PDE4D: variants seen among roughly 807,000 people sequenced by gnomAD.
PDE4D encodes 3',5'-cyclic-AMP phosphodiesterase 4D.
PDE4D carries 24 observed loss-of-function variants against 87.4 expected under a neutral mutation model. The observed-to-expected ratio is 0.27, with a 90% CI of 0.20 to 0.39. The LOEUF (loss-of-function observed/expected upper bound fraction) is 0.39. Ranked by LOEUF, PDE4D falls within the 10% of genes least tolerant of loss-of-function variation. The pLI is 1.00. For missense variants in PDE4D, 714 were observed against 1,041.0 expected (o/e 0.69, Z 4.32); for synonymous variants, 384 against 383.2 (o/e 1.00, Z -0.02).
At chr5:59,064,406 T>TCC (rs1390652466) in intron 5 of PDE4D, among the ~76,000 whole-genome samples, 1 of 152,100 alleles carries the variant, frequency 6.6e-6, no homozygotes, top group African/African-American at 2.4e-5. Flanking sequence ...CCAACCAAGC[T>TCC]CTCACTGGGT....
intron 1 of PDE4D, among the ~76,000 whole-genome samples, chr5:59,804,200 A>G (rs997824321): frequency 6.6e-6 from 1 of 152,126 alleles, no homozygotes; most frequent in African/African-American, 2.4e-5. Flanking sequence ...CCCCATCCCC[A>G]AAGTCCATTA....
intron 5 of PDE4D, among the ~76,000 whole-genome samples, chr5:59,074,567 G>A (rs551922344): frequency 7.2e-5 from 11 of 152,236 alleles, no homozygotes; most frequent in Admixed American, 7.2e-4. Flanking sequence ...AGACCAGCCT[G>A]GCCAACATGG....
At chr5:59,464,071 C>T (rs370332041) in intron 1 of PDE4D, among the ~76,000 whole-genome samples, 1 of 152,160 alleles carries the variant, frequency 6.6e-6, no homozygotes, top group Non-Finnish European at 1.5e-5. Flanking sequence ...CCCAGGGACA[C>T]AAAAACTGCG....
chr5:60,321,246 C>T (rs866296204), intron 1 of PDE4D, among the ~76,000 whole-genome samples: 2 of 152,116 alleles, frequency 1.3e-5, no homozygotes, highest in Non-Finnish European at 2.9e-5. Flanking sequence ...TAATACCACC[C>T]ACGTAAAATC....
chr5:59,399,901 C>G (rs1469220596), intron 1 of PDE4D, among the ~76,000 whole-genome samples: 2 of 112,984 alleles, frequency 1.8e-5, no homozygotes, highest in African/African-American at 7.5e-5. Flanking sequence ...AAACAAATAA[C>G]CCCATCAAAA....
chr5:58,999,194 T>C (rs1430001562), intron 6 of PDE4D, among the ~76,000 whole-genome samples: 2 of 152,200 alleles, frequency 1.3e-5, no homozygotes, highest in African/African-American at 4.8e-5. Flanking sequence ...CCCAATAATT[T>C]ATTTGCAATG....
chr5:59,422,112 T>A (rs1794574700), intron 1 of PDE4D, among the ~76,000 whole-genome samples: 1 of 152,210 alleles, frequency 6.6e-6, no homozygotes, highest in African/African-American at 2.4e-5. Flanking sequence ...TCTGAGCGTT[T>A]GGAGAATATT....
intron 1 of PDE4D, among the ~76,000 whole-genome samples, chr5:60,375,188 C>T (rs145039195): frequency 2.2e-4 from 34 of 152,260 alleles, no homozygotes; most frequent in Non-Finnish European, 4.0e-4. Flanking sequence ...TTTTATAACA[C>T]ATCACAGCTT....
At chr5:59,618,033 G>T (rs1272643843) in intron 1 of PDE4D, among the ~76,000 whole-genome samples, 1 of 151,304 alleles carries the variant, frequency 6.6e-6, no homozygotes, top group Non-Finnish European at 1.5e-5. Context: ...TAACAGTTCT[G>T]AATACTCCTC....
At chr5:59,444,210 G>A (rs555512471) in intron 1 of PDE4D, among the ~76,000 whole-genome samples, 126 of 152,238 alleles carry the variant, frequency 8.3e-4, no homozygotes, top group African/African-American at 2.9e-3. Context: ...GCTTCTCTGG[G>A]GTTTTTCTAA....
chr5:59,117,141 C>A (rs899375632), intron 5 of PDE4D, among the ~76,000 whole-genome samples: 2 of 152,200 alleles, frequency 1.3e-5, no homozygotes, highest in African/African-American at 4.8e-5. Context: ...TCCCAGGATA[C>A]AATTTCTCAC....
chr5:59,504,980 G>A (rs1247740694), intron 1 of PDE4D, among the ~76,000 whole-genome samples: 1 of 151,258 alleles, frequency 6.6e-6, no homozygotes, highest in African/African-American at 2.4e-5. Flanking sequence ...GTGAAAGTGA[G>A]AGAGAGAGAA....
chr5:60,508,078 C>G (rs1750402986), intron 1 of PDE4D, among the ~76,000 whole-genome samples: 1 of 152,224 alleles, frequency 6.6e-6, no homozygotes, highest in Non-Finnish European at 1.5e-5. Context: ...TTGTCACATA[C>G]TGGGCCTGTA....
chr5:59,568,521 T>C (rs775114749), intron 1 of PDE4D, among the ~76,000 whole-genome samples: 1 of 152,056 alleles, frequency 6.6e-6, no homozygotes, highest in Non-Finnish European at 1.5e-5. Context: ...GGAAAAATAA[T>C]ACATTTATAG....
At chr5:59,593,256 C>T (rs544181779) in intron 1 of PDE4D, among the ~76,000 whole-genome samples, 1 of 151,354 alleles carries the variant, frequency 6.6e-6, no homozygotes, top group East Asian at 1.9e-4. Flanking sequence ...TAAAATAAAG[C>T]CCAACTTCAA....
At position 58,975,877 on chromosome 5, in the gene PDE4D, CCTT is replaced by C. The variant is rs770172192; in HGVS notation, c.1831-41_1831-39del. 30 of 1,251,874 alleles carry C rather than the reference CCTT, an allele frequency of 2.4e-5. No individual in the cohort carries two copies. The highest frequency in any genetic ancestry group is 3.8e-5 in the Admixed American group (1 of 26,114). The allele number at this position is 1,251,874 out of a possible 1,614,324, so 77.5% of individuals were successfully genotyped here. On this transcript the variant is annotated intron_variant, in intron 13 of 14. Coordinates refer to ENST00000340635, the MANE Select transcript of PDE4D (RefSeq NM_001104631.2). The surrounding 1 kb of genome is among the most constrained non-coding windows in gnomAD (Gnocchi z 4.2). Reference sequence around the variant, plus strand: ...GATGCATTCTCTATTCACTCCTGTTCCTTTTTTTTAAAAAAAAAAACAAAAAAA... The same window carrying C: ...GATGCATTCTCTATTCACTCCTGTTCTTTTTTAAAAAAAAAAACAAAAAAA...
intron 1 of PDE4D, among the ~76,000 whole-genome samples, chr5:59,483,413 G>A (rs1383004091): frequency 2.0e-5 from 3 of 151,978 alleles, no homozygotes; most frequent in Non-Finnish European, 2.9e-5. Flanking sequence ...CCCCTCTCTG[G>A]AATTCCATAA....
chr5:59,233,961 T>C (rs1247316447), intron 1 of PDE4D, among the ~76,000 whole-genome samples: 1 of 152,148 alleles, frequency 6.6e-6, no homozygotes, highest in Non-Finnish European at 1.5e-5. Flanking sequence ...GATGACCAAA[T>C]TCATGGTGAG....
chr5:59,256,109 A>G (rs529263732), intron 1 of PDE4D, among the ~76,000 whole-genome samples: 2 of 152,250 alleles, frequency 1.3e-5, no homozygotes, highest in Non-Finnish European at 2.9e-5. Flanking sequence ...TCCTTAAAGT[A>G]ATGCAGCTAA....
Sources: gnomAD v4.1 joint callset for allele counts (sites outside exome capture counted in the v4.1 genomes callset) on GRCh38, gnomAD v4.1.1 for gene constraint, Gnocchi (gnomAD v3.1) non-coding constraint, MANE v1.5 for transcripts, NCBI Gene and HGNC (gene_info 2026-07-23, HGNC 2026-07-21) for gene names.